The following ENOX1 variants were observed in gnomAD, a reference collection of about 807,000 sequenced individuals.
ENOX1 encodes the protein ecto-NOX disulfide-thiol exchanger 1.
In ENOX1, 42 loss-of-function variants were observed where a neutral mutation model predicts 82.5. That is an observed-to-expected ratio of 0.51 (90% CI 0.40 to 0.66). The LOEUF (loss-of-function observed/expected upper bound fraction) is 0.66. Ranked by LOEUF, ENOX1 falls within the 30% of genes least tolerant of loss-of-function variation. The probability of loss-of-function intolerance (pLI) is 0.00; values close to 1 mark genes in which losing one functional copy is unlikely to be tolerated. For missense variants in ENOX1, 608 were observed against 811.6 expected (o/e 0.75, Z 3.05); for synonymous variants, 271 against 282.2 (o/e 0.96, Z 0.40).
At chr13:43,544,987 A>G (rs2078911889) in intron 2 of ENOX1, 2 of 152,160 alleles carry the variant, frequency 1.3e-5, no homozygotes, top group South Asian at 4.1e-4. Flanking sequence ...TCTTTCAAAA[A>G]CTTCCTTTCT....
At chr13:43,679,393 G>GAC (rs371249814) in intron 1 of ENOX1, among the ~76,000 whole-genome samples, 15 of 152,156 alleles carry the variant, frequency 9.9e-5, no homozygotes, top group African/African-American at 3.6e-4. Context: ...GTGGCCTCAT[G>GAC]ACACACACAC....
chr13:43,370,834 C>G (rs9567166), intron 5 of ENOX1, among the ~76,000 whole-genome samples: 139,033 of 151,872 alleles, frequency 0.92, 64,396 homozygotes, highest in Non-Finnish European at 0.99. Context: ...GGTCCTCATT[C>G]GCTCTCATCT....
chr13:43,669,264 G>A (rs1328504493), intron 1 of ENOX1, among the ~76,000 whole-genome samples: 1 of 152,200 alleles, frequency 6.6e-6, no homozygotes, highest in East Asian at 1.9e-4. Flanking sequence ...CAGATGCCCT[G>A]CTGGGAGTAA....
intron 5 of ENOX1, among the ~76,000 whole-genome samples, chr13:43,406,585 C>T (rs537112588): frequency 2.0e-5 from 3 of 151,676 alleles, no homozygotes; most frequent in East Asian, 3.9e-4. Context: ...CTCCGCCTCC[C>T]GGGTTCACGC....
chr13:43,214,199 T>C, intron 16 of ENOX1, 78 bp from the exon 17 acceptor site: 1 of 1,468,272 alleles, frequency 6.8e-7, no homozygotes, highest in East Asian at 2.3e-5. Flanking sequence ...AGGATGAGCT[T>C]TCCCAGTGAT....
chr13:43,639,770 C>T (rs1594217472), intron 2 of ENOX1, among the ~76,000 whole-genome samples: 1 of 152,180 alleles, frequency 6.6e-6, no homozygotes, highest in East Asian at 1.9e-4. Flanking sequence ...TGGCTCATGC[C>T]TGTAATCCAG....
intron 5 of ENOX1, among the ~76,000 whole-genome samples, chr13:43,386,368 T>C (rs2052411583): frequency 6.6e-6 from 1 of 152,202 alleles, no homozygotes; most frequent in South Asian, 2.1e-4. Context: ...TTAAGGAGAA[T>C]GGACAGGTCT....
chr13:43,340,936 T>C (rs1165531308), intron 9 of ENOX1, among the ~76,000 whole-genome samples: 1 of 152,178 alleles, frequency 6.6e-6, no homozygotes. Context: ...ATGCCTGCTA[T>C]AATAACTAAA....
At chr13:43,261,772 A>G (rs1416903211) in intron 14 of ENOX1, among the ~76,000 whole-genome samples, 2 of 142,390 alleles carry the variant, frequency 1.4e-5, no homozygotes, top group Non-Finnish European at 3.0e-5. Flanking sequence ...TCTCACTCAT[A>G]GATGGGAATT....
At chr13:43,632,192 T>C (rs1451519259) in intron 2 of ENOX1, among the ~76,000 whole-genome samples, 3 of 152,186 alleles carry the variant, frequency 2.0e-5, no homozygotes, top group African/African-American at 7.2e-5. Context: ...TTGTTTAAAA[T>C]AATTTTTCCC....
chr13:43,497,701 T>A (rs946554420), intron 2 of ENOX1, among the ~76,000 whole-genome samples: 1 of 152,130 alleles, frequency 6.6e-6, no homozygotes, highest in Admixed American at 6.6e-5. Flanking sequence ...GTGACTTTTT[T>A]AATAATGTCC....
intron 2 of ENOX1, among the ~76,000 whole-genome samples, chr13:43,645,067 T>C (rs2083831438): frequency 6.6e-6 from 1 of 152,252 alleles, no homozygotes; most frequent in Admixed American, 6.5e-5. Context: ...AAGAAACATG[T>C]ATCAAATAAT....
intron 5 of ENOX1, among the ~76,000 whole-genome samples, chr13:43,371,779 G>C (rs2051261035): frequency 6.6e-6 from 1 of 152,148 alleles, no homozygotes; most frequent in South Asian, 2.1e-4. Context: ...CACAGAACTG[G>C]TCTGTTTAAA....
intron 1 of ENOX1, among the ~76,000 whole-genome samples, chr13:43,713,610 A>T (rs936134838): frequency 1.3e-5 from 2 of 152,208 alleles, no homozygotes; most frequent in Admixed American, 6.5e-5. Context: ...TGGTCTATTA[A>T]GAGAGTCAAC....
chr13:43,283,353 T>C (rs1342582584), intron 12 of ENOX1, among the ~76,000 whole-genome samples: 3 of 152,114 alleles, frequency 2.0e-5, no homozygotes, highest in Non-Finnish European at 4.4e-5. Context: ...TTTCAAACAT[T>C]TGGCTGTGTT....
chr13:43,688,217 G>A (rs1168292397), intron 1 of ENOX1, among the ~76,000 whole-genome samples: 1 of 152,068 alleles, frequency 6.6e-6, no homozygotes, highest in Admixed American at 6.6e-5. Flanking sequence ...ACTGCAACAA[G>A]TAGACCTTCA....
intron 2 of ENOX1, among the ~76,000 whole-genome samples, chr13:43,565,067 G>T (rs1417304036): frequency 6.6e-6 from 1 of 152,128 alleles, no homozygotes; most frequent in East Asian, 1.9e-4. Flanking sequence ...AAAATAAACA[G>T]ATGAGTAAGA....
At chr13:43,399,483 T>C (rs2053366383) in intron 5 of ENOX1, among the ~76,000 whole-genome samples, 1 of 152,174 alleles carries the variant, frequency 6.6e-6, no homozygotes, top group South Asian at 2.1e-4. Context: ...TTTCATTCCC[T>C]TAAAATAGAA....
intron 1 of ENOX1, among the ~76,000 whole-genome samples, chr13:43,675,610 G>T (rs1337474368): frequency 6.6e-6 from 1 of 152,156 alleles, no homozygotes; most frequent in Non-Finnish European, 1.5e-5. Flanking sequence ...ATCTTTCGAA[G>T]AACAGAGAGG....
Sources: allele counts gnomAD v4.1 joint callset (sites outside exome capture counted in the v4.1 genomes callset), GRCh38; gene constraint gnomAD v4.1.1; transcripts MANE v1.5; gene names NCBI Gene and HGNC (gene_info 2026-07-23, HGNC 2026-07-21).